Variants in IRAG2 observed in about 807,000 individuals in gnomAD.
IRAG2 encodes inositol 1,4,5-triphosphate receptor associated 2.
A neutral mutation model predicts 69.9 loss-of-function variants in IRAG2; 45 were observed. That is an observed-to-expected ratio of 0.64 (90% CI 0.51 to 0.83). IRAG2 has a LOEUF of 0.83. IRAG2 is among the 40% of genes least tolerant of loss of function. The pLI is 0.00. For synonymous variants in IRAG2, 193 were observed against 202.4 expected (o/e 0.95, Z 0.40); for missense variants, 520 against 587.0 (o/e 0.89, Z 1.18).
chr12:25,105,043 AAAAAGTGCCT>A (rs1161888854), intron 20 of IRAG2, among the ~76,000 whole-genome samples: 51 of 150,796 alleles, frequency 3.4e-4, no homozygotes, highest in African/African-American at 1.2e-3. Flanking sequence ...GTGACATTAG[AAAAAGTGCCT>A]AACCTTACTT....
At position 25,062,901 on chromosome 12, in the gene IRAG2, G is replaced by A. The variant is rs958154716; in HGVS notation, c.-304+1G>A. 1.8e-5 allele frequency: 7 copies of A among 398,794 alleles called. No individual in the cohort carries two copies. Among genetic ancestry groups the A allele is most frequent in the Non-Finnish European group, 2.2e-5 (5 of 226,018 alleles). 24.7% of individuals were successfully genotyped at this position (398,794 alleles called of 1,614,324 possible). On this transcript the variant is annotated splice_donor_variant, in intron 3 of 21. Transcript: ENST00000556887. LOFTEE classifies it low-confidence loss of function (5UTR_SPLICE). ...TCAACAACCTCTTCAAGAAAAATTG[G>A]TAATTGCGAGCTTTTTGAAATTATT...
intron 7 of IRAG2, chr12:25,021,100 TTTTTC>T: frequency 6.9e-5 from 23 of 332,592 alleles, no homozygotes; most frequent in South Asian, 1.6e-4. Flanking sequence ...TCTTTTTTTT[TTTTTC>T]TTTTTTTCTT....
chr12:25,018,797 G>C (rs192985179), intron 6 of IRAG2, among the ~76,000 whole-genome samples: 104 of 152,304 alleles, frequency 6.8e-4, no homozygotes, highest in African/African-American at 2.5e-3. Context: ...GGACAGAAAG[G>C]CTGGAGAATC....
At chr12:25,053,902 G>A (rs2139898216) in intron 1 of IRAG2, among the ~76,000 whole-genome samples, 2 of 152,006 alleles carry the variant, frequency 1.3e-5, no homozygotes, top group South Asian at 2.1e-4. Context: ...ATCTGAGAAA[G>A]CTATTTAGGA....
chr12:25,015,234 C>T lies in IRAG2; in HGVS notation c.949C>T (p.Gln317Ter). 2 of 1,170,712 alleles carry T rather than the reference C, an allele frequency of 1.7e-6. No individual in the cohort carries two copies. The highest frequency in any genetic ancestry group is 2.1e-6 in the Non-Finnish European group (2 of 959,768). 72.5% of individuals were successfully genotyped at this position (1,170,712 alleles called of 1,614,324 possible). The change falls in exon 4 of 39, where the codon CAG becomes TAG. Residue 317 changes from glutamine to a stop codon, truncating the protein, a stop_gained. Transcript: ENST00000636465. LOFTEE classifies it high-confidence loss of function. Reference sequence around the variant, plus strand: ...CATCATCGATGATTCTGTTTGTGAACAGGATGGCATAAAATCAGATGGAAC... The same window carrying T: ...CATCATCGATGATTCTGTTTGTGAATAGGATGGCATAAAATCAGATGGAAC...
In IRAG2 at chr12:25,079,259, C is replaced by T. The variant is rs140323694; in HGVS notation, c.40C>T (p.Arg14Cys). 172 of 1,613,902 alleles carry T rather than the reference C, an allele frequency of 1.1e-4. No individual in the cohort carries two copies. The highest frequency in any genetic ancestry group is 3.2e-4 in the Admixed American group (19 of 59,990). Residue 14 changes from arginine to cysteine, a missense_variant, in exon 7 of 22, where the codon CGC becomes TGC. Arg to Cys is a radical substitution (Grantham distance 180, BLOSUM62 -3). Transcript: ENST00000556887. ...DPSMEENGVERVCPESLLQSR... is the reference protein window; with the variant it reads ...DPSMEENGVECVCPESLLQSR... ...TTTCCTTAAGGAGAATGGTGTTGAACGCGTGTGTCCTGAGAGCCTGCTGCA... is the reference window on the plus strand; with the variant it reads ...TTTCCTTAAGGAGAATGGTGTTGAATGCGTGTGTCCTGAGAGCCTGCTGCA...
Position 25,104,012 on chromosome 12 carries a change from G to A in IRAG2, c.1000G>A (p.Ala334Thr). The change falls in exon 19 of 22, where the codon GCT becomes ACT. Residue 334 changes from alanine to threonine, a missense_variant. Physicochemically the swap from Ala to Thr is moderately conservative, Grantham distance 58. Coordinates refer to ENST00000556887, the MANE Select transcript of IRAG2 (RefSeq NM_001366544.2). ...PRNIGNAGMV[A>T]GMENNDRFSR... is the part of the protein sequence containing the mutation. Reference sequence around the variant, plus strand: ...AACATTTGAACTTCTACTAAAGGTGGCTGGGATGGAAAATAATGATCGATT... The same window carrying A: ...AACATTTGAACTTCTACTAAAGGTGACTGGGATGGAAAATAATGATCGATT... 6.2e-7 allele frequency: 1 copy of A among 1,613,268 alleles called. No individual in the cohort carries two copies. Among genetic ancestry groups the A allele is most frequent in the Non-Finnish European group, 8.5e-7 (1 of 1,179,544 alleles).
intron 10 of IRAG2, among the ~76,000 whole-genome samples, chr12:25,085,229 A>G (rs1947490403): frequency 6.6e-6 from 1 of 152,264 alleles, no homozygotes; most frequent in African/African-American, 2.4e-5. Flanking sequence ...CAGTGTCCCA[A>G]AAGAATCAGA....
chr12:25,035,348 C>T (rs1211338414), intron 13 of IRAG2: 1 of 194,220 alleles, frequency 5.1e-6, no homozygotes, highest in Admixed American at 6.1e-5. Flanking sequence ...TCAATTTTTT[C>T]CCCCTGGGTA....
chr12:25,050,538 AAC>A (rs1450216131), upstream of IRAG2, among the ~76,000 whole-genome samples: 7 of 18,914 alleles, frequency 3.7e-4, no homozygotes, highest in Admixed American at 4.1e-3. Flanking sequence ...AAAAAAAACA[AAC>A]AAACAAACAA....
intron 8 of IRAG2, among the ~76,000 whole-genome samples, chr12:25,025,266 C>T (rs1944612173): frequency 6.6e-6 from 1 of 152,144 alleles, no homozygotes; most frequent in Non-Finnish European, 1.5e-5. Context: ...GAAAAGCAGC[C>T]TTATGAAGCT....
At chr12:25,044,768 T>A (rs1053395810) in intron 16 of IRAG2, among the ~76,000 whole-genome samples, 3 of 151,252 alleles carry the variant, frequency 2.0e-5, no homozygotes, top group Non-Finnish European at 3.0e-5. Flanking sequence ...AAGCAAACAC[T>A]GACAGAACTG....
At chr12:25,011,697 T>A (rs910200388) in intron 3 of IRAG2, 1 of 521,986 alleles carries the variant, frequency 1.9e-6, no homozygotes, top group Non-Finnish European at 2.9e-6. Flanking sequence ...ATGTTAAACC[T>A]GATTGCTGGG....
chr12:25,004,339 A>G (rs959281009), upstream of IRAG2: 20 of 1,232,010 alleles, frequency 1.6e-5, no homozygotes, highest in African/African-American at 1.7e-4. Flanking sequence ...AGGAAAGTCA[A>G]CAATGGCCTC....
At chr12:25,082,868 C>T (rs568117080) in intron 9 of IRAG2, among the ~76,000 whole-genome samples, 285 of 152,128 alleles carry the variant, frequency 1.9e-3, no homozygotes, top group African/African-American at 6.2e-3. Flanking sequence ...AATAATTATC[C>T]GGTACATTTC....
intron 7 of IRAG2, among the ~76,000 whole-genome samples, chr12:25,022,048 T>C (rs1944585354): frequency 6.6e-6 from 1 of 152,194 alleles, no homozygotes; most frequent in East Asian, 1.9e-4. Context: ...CTCCAAGGGC[T>C]GTGTGACTTT....
chr12:25,089,832 C>G, intron 13 of IRAG2, 42 bp downstream of exon 13: 1 of 1,589,838 alleles, frequency 6.3e-7, no homozygotes, highest in Non-Finnish European at 8.6e-7. Flanking sequence ...AAAAAGTGTT[C>G]CAGACTCACC....
At position 25,104,417 on chromosome 12, in the gene IRAG2, G is replaced by A; in HGVS notation, c.1103G>A (p.Ser368Asn). The A allele has an allele frequency of 5.0e-6, 8 of 1,613,566 alleles. No individual in the cohort carries two copies. Among genetic ancestry groups the A allele is most frequent in the Non-Finnish European group, 6.8e-6 (8 of 1,179,586 alleles). The change falls in exon 20 of 22, where the codon AGC (serine) becomes AAC (asparagine). Residue 368 changes from serine to asparagine, a missense_variant. By Grantham distance (46) the Ser-to-Asn change is conservative. Transcript: ENST00000556887. ...CGTCCCTCATTACCTCGATTTATTA[G>A]CACCTATTCCTGGGCAGATGCTGAA... ...EHRPSLPRFI[S>N]TYSWADAEEE...
chr12:25,033,825 C>T (rs1944686587), intron 12 of IRAG2: 2 of 398,736 alleles, frequency 5.0e-6, no homozygotes, highest in Admixed American at 4.4e-5. Flanking sequence ...CCTAACTAGA[C>T]TATTGTTTTT....
Sources: gnomAD v4.1 joint callset for allele counts (sites outside exome capture counted in the v4.1 genomes callset) on GRCh38, gnomAD v4.1.1 for gene constraint, MANE v1.5 for transcripts, NCBI Gene and HGNC (gene_info 2026-07-23, HGNC 2026-07-21) for gene names.